Variants in MIA2 observed in about 807,000 individuals in gnomAD.
The protein encoded by MIA2 is MIA SH3 domain ER export factor 2.
Under a neutral mutation model 167.8 loss-of-function variants are expected in MIA2, and 127 were observed. The observed-to-expected ratio is 0.76, with a 90% CI of 0.66 to 0.88. The LOEUF is 0.88. Among genes scored for constraint, MIA2 ranks in the 40% least tolerant of loss-of-function variants. The pLI is 0.00. For synonymous variants in MIA2, 552 were observed against 541.9 expected (o/e 1.02, Z -0.26); for missense variants, 1,690 against 1,624.7 (o/e 1.04, Z -0.69).
At chr14:39,361,127 C>T (rs573301059) in intron 23 of MIA2, among the ~76,000 whole-genome samples, 33 of 152,242 alleles carry the variant, frequency 2.2e-4, no homozygotes, top group African/African-American at 7.5e-4. Flanking sequence ...TTGGCTAGTT[C>T]TGGCTCTTCT....
intron 27 of MIA2, 124 bp from the exon 28 acceptor site, chr14:39,348,619 T>C: frequency 7.3e-7 from 1 of 1,364,988 alleles, no homozygotes; most frequent in Non-Finnish European, 1.0e-6. Flanking sequence ...AATCTTTCTC[T>C]AGAGCTTTCT....
At chr14:39,240,275 C>T (rs760708154) in intron 2 of MIA2, among the ~76,000 whole-genome samples, 12 of 152,106 alleles carry the variant, frequency 7.9e-5, no homozygotes, top group Non-Finnish European at 1.8e-4. Flanking sequence ...CAAGAAAGGT[C>T]GTTAAAGAAC....
At chr14:39,387,016 C>A (rs2075283527) in exon 24 of MIA2, 3 of 739,164 alleles carry the variant, frequency 4.1e-6, no homozygotes, top group Non-Finnish European at 2.3e-6. Flanking sequence ...TCAAGTGGAA[C>A]AGAAGCCAGA....
At chr14:39,276,624 A>G (rs2058038541) in intron 6 of MIA2, 1 of 229,496 alleles carries the variant, frequency 4.4e-6, no homozygotes, top group Admixed American at 5.4e-5. Flanking sequence ...ACTGGTTGAA[A>G]TCAGGGTAAG....
At chr14:39,309,736 CTG>C in intron 18 of MIA2, among the ~76,000 whole-genome samples, 1 of 152,264 alleles carries the variant, frequency 6.6e-6, no homozygotes, top group African/African-American at 2.4e-5. Flanking sequence ...TTCTTCACTT[CTG>C]TATTCCCAGT....
chr14:39,258,065 G>T (rs562569677), intron 6 of MIA2, among the ~76,000 whole-genome samples: 39 of 152,084 alleles, frequency 2.6e-4, no homozygotes, highest in African/African-American at 9.2e-4. Flanking sequence ...ATGTGTCTTG[G>T]GGTTGCTCTT....
intron 6 of MIA2, among the ~76,000 whole-genome samples, chr14:39,274,915 A>C (rs2057726674): frequency 6.7e-6 from 1 of 149,720 alleles, no homozygotes; most frequent in Non-Finnish European, 1.5e-5. Context: ...TCTCTACTAA[A>C]AATATAAAAA....
At chr14:39,288,475 A>ATATT (rs1294270700) in intron 9 of MIA2, among the ~76,000 whole-genome samples, 80 of 50,496 alleles carry the variant, frequency 1.6e-3, no homozygotes, top group Non-Finnish European at 2.0e-3. Context: ...ATATATATAT[A>ATATT]TTTTTTTTTT....
At position 39,345,823 on chromosome 14, in the gene MIA2, G is replaced by T. The variant is rs527358464; in HGVS notation, c.3656-81G>T. On this transcript the variant is annotated intron_variant, in intron 25 of 28. Transcript: ENST00000640607. ...TTAAGTGTTAGAATACAGGTCAAAA[G>T]TGTAAGTTCAATACGTTAAACTTAA... 2.5e-6 allele frequency: 3 copies of T among 1,209,554 alleles called. No homozygotes were observed. In the African/African-American group the frequency reaches 4.6e-5, roughly 19 times the overall value. 74.9% of individuals were successfully genotyped at this position (1,209,554 alleles called of 1,614,324 possible).
At chr14:39,386,766 G>A (rs1228498969) in intron 23 of MIA2, 8 of 1,335,000 alleles carry the variant, frequency 6.0e-6, no homozygotes, top group South Asian at 1.2e-5. Flanking sequence ...TAACTGAAAT[G>A]CCCGCTTCTT....
intron 3 of MIA2, among the ~76,000 whole-genome samples, chr14:39,241,275 T>G (rs2054025282): frequency 6.6e-6 from 1 of 152,206 alleles, no homozygotes; most frequent in Non-Finnish European, 1.5e-5. Flanking sequence ...ATTCAGATTC[T>G]GGGTTAAGCC....
intron 23 of MIA2, among the ~76,000 whole-genome samples, chr14:39,369,357 C>T (rs1030912658): frequency 6.6e-6 from 1 of 152,186 alleles, no homozygotes; most frequent in Non-Finnish European, 1.5e-5. Flanking sequence ...AATCCAGGCT[C>T]ACTGCCTTGT....
intron 9 of MIA2, among the ~76,000 whole-genome samples, chr14:39,281,383 T>G (rs1319354404): frequency 1.3e-5 from 2 of 152,180 alleles, no homozygotes; most frequent in Non-Finnish European, 2.9e-5. Flanking sequence ...ATCTTTTTGT[T>G]TGCCCACACT....
intron 23 of MIA2, among the ~76,000 whole-genome samples, chr14:39,358,628 C>G (rs1472028862): frequency 1.3e-5 from 2 of 152,162 alleles, no homozygotes; most frequent in Non-Finnish European, 2.9e-5. Flanking sequence ...GAGAGGCTCT[C>G]TGATTTTTAG....
chr14:39,324,350 G>T (rs6571920), intron 24 of MIA2, among the ~76,000 whole-genome samples: 1 of 152,046 alleles, frequency 6.6e-6, no homozygotes, highest in Non-Finnish European at 1.5e-5. Flanking sequence ...TTAGGATGAA[G>T]AAGCGAGAAG....
intron 27 of MIA2, among the ~76,000 whole-genome samples, chr14:39,348,534 T>G (rs2073894710): frequency 6.6e-6 from 1 of 152,178 alleles, no homozygotes; most frequent in South Asian, 2.1e-4. Flanking sequence ...GTTAAAGCTG[T>G]TTTCTGTTGA....
intron 17 of MIA2, among the ~76,000 whole-genome samples, chr14:39,306,478 TATC>T (rs1298293536): frequency 2.0e-5 from 3 of 152,044 alleles, no homozygotes; most frequent in African/African-American, 7.2e-5. Context: ...ATGAGAACTC[TATC>T]ATCTAGGGGG....
At chr14:39,357,886 T>C (rs1201666390) in intron 23 of MIA2, among the ~76,000 whole-genome samples, 1 of 21,446 alleles carries the variant, frequency 4.7e-5, no homozygotes, top group Non-Finnish European at 7.2e-5. Flanking sequence ...TGGCCCGCAC[T>C]CTCTTCTGGC....
Position 39,328,333 on chromosome 14 carries a change from A to C in MIA2, c.3655+1311A>C, listed in dbSNP as rs149462112. Among the ~76,000 whole-genome samples the C allele has an allele frequency of 8.0e-3, 1,219 of 152,032 alleles. 24 individuals carry two copies. Among genetic ancestry groups the C allele is most frequent in the East Asian group, 0.076 (395 of 5,164 alleles). On this transcript the variant is annotated intron_variant, in intron 25 of 28. Coordinates refer to ENST00000640607, the MANE Select transcript of MIA2 (RefSeq NM_001329214.4). ...TTGGGGTTGTTTGCTTTTTTCTTGT[A>C]AATTTAAGTTGCTTGTAGATTGTGG...
Sources: gnomAD v4.1 joint callset for allele counts (sites outside exome capture counted in the v4.1 genomes callset) on GRCh38, gnomAD v4.1.1 for gene constraint, MANE v1.5 for transcripts, NCBI Gene and HGNC (gene_info 2026-07-23, HGNC 2026-07-21) for gene names.